UST: variants seen among roughly 807,000 people sequenced by gnomAD.
The protein encoded by UST is uronyl 2-sulfotransferase, also known as chondroitin sulfate 2-O-sulfotransferase.
A neutral mutation model predicts 45.6 loss-of-function variants in UST; 21 were observed. That is an observed-to-expected ratio of 0.46 (90% CI 0.33 to 0.66). The LOEUF (loss-of-function observed/expected upper bound fraction) is 0.66. Ranked by LOEUF, UST falls within the 30% of genes least tolerant of loss-of-function variation. The probability of loss-of-function intolerance (pLI) is 0.02; values close to 1 mark genes in which losing one functional copy is unlikely to be tolerated. For synonymous variants in UST, 215 were observed against 200.6 expected, an observed-to-expected ratio of 1.07 and a Z score of -0.61; for missense variants, 463 against 512.4, an observed-to-expected ratio of 0.90 and a Z score of 0.93.
intron 2 of UST, 50 bp downstream of exon 2, chr6:148,887,079 A>G (rs1374118133): frequency 2.1e-6 from 3 of 1,401,876 alleles, no homozygotes; most frequent in Non-Finnish European, 3.0e-6. Flanking sequence ...TATCTTACTT[A>G]CAGCCTCCAA....
At position 148,763,778 on chromosome 6, in the gene UST, C is replaced by A. The variant is rs142538400; in HGVS notation, c.247+16101C>A. Among the ~76,000 whole-genome samples, 187 of 152,168 alleles carry A rather than the reference C, an allele frequency of 1.2e-3. 1 individual carries two copies. Among genetic ancestry groups the A allele is most frequent in the African/African-American group, 4.4e-3 (181 of 41,534 alleles). ...ATCCTTTCCCCATCGTATATTTTTGCCAACTTTGTTTATGATCAGTTGGTT... is the reference window on the plus strand; with the variant it reads ...ATCCTTTCCCCATCGTATATTTTTGACAACTTTGTTTATGATCAGTTGGTT... On this transcript the variant is annotated intron_variant, in intron 1 of 7. Coordinates refer to ENST00000367463, the MANE Select transcript of UST (RefSeq NM_005715.3).
chr6:148,803,226 C>A (rs1289823318), intron 1 of UST, among the ~76,000 whole-genome samples: 1 of 152,094 alleles, frequency 6.6e-6, no homozygotes, highest in African/African-American at 2.4e-5. Flanking sequence ...ATTCTCCTTC[C>A]CCTCTCTCTC....
intron 1 of UST, among the ~76,000 whole-genome samples, chr6:148,855,020 G>A (rs1386567763): frequency 6.6e-6 from 1 of 152,116 alleles, no homozygotes; most frequent in Non-Finnish European, 1.5e-5. Flanking sequence ...ATCAAGTCAC[G>A]TCTTAAGTGG....
chr6:148,894,832 T>TTC, intron 2 of UST, among the ~76,000 whole-genome samples: 1 of 148,146 alleles, frequency 6.8e-6, no homozygotes, highest in East Asian at 2.0e-4. Flanking sequence ...TTTTTTTTTT[T>TTC]TTTTGAGATG....
At chr6:148,961,459 G>A (rs1434948525) in intron 4 of UST, among the ~76,000 whole-genome samples, 1 of 152,002 alleles carries the variant, frequency 6.6e-6, no homozygotes, top group African/African-American at 2.4e-5. Flanking sequence ...ATAAAATGAA[G>A]GGAAATAAGT....
intron 5 of UST, among the ~76,000 whole-genome samples, chr6:148,972,379 C>T (rs1302064216): frequency 6.6e-6 from 1 of 152,190 alleles, no homozygotes; most frequent in African/African-American, 2.4e-5. Flanking sequence ...AGTGAAGTGA[C>T]ACTTTAGAAA....
intron 4 of UST, among the ~76,000 whole-genome samples, chr6:148,957,592 C>T (rs1263908815): frequency 6.6e-6 from 1 of 152,160 alleles, no homozygotes; most frequent in African/African-American, 2.4e-5. Flanking sequence ...CACCACCACA[C>T]CTGGCTAATT....
intron 1 of UST, among the ~76,000 whole-genome samples, chr6:148,816,757 C>T (rs986925749): frequency 1.3e-5 from 2 of 151,986 alleles, no homozygotes; most frequent in African/African-American, 4.8e-5. Flanking sequence ...GGATATGGAA[C>T]ATTTATTTCC....
chr6:149,047,939 C>A (rs114027829), intron 7 of UST, among the ~76,000 whole-genome samples: 5,058 of 152,072 alleles, frequency 0.033, 291 homozygotes, highest in African/African-American at 0.11. Context: ...AAAGCACAAG[C>A]TCAGATAGAC....
chr6:149,019,263 T>C, intron 6 of UST, 27 bp downstream of exon 6: 1 of 1,571,052 alleles, frequency 6.4e-7, no homozygotes. Context: ...GGTCATGGCA[T>C]GCACGTACGC....
At chr6:149,065,127 G>A (rs940507976) in intron 7 of UST, among the ~76,000 whole-genome samples, 1 of 152,188 alleles carries the variant, frequency 6.6e-6, no homozygotes, top group Non-Finnish European at 1.5e-5. Context: ...TAATCCGACA[G>A]TATGTGCTCA....
chr6:148,790,894 G>A lies in UST; in HGVS notation c.247+43217G>A, dbSNP rs1029464572. Among the ~76,000 whole-genome samples, 10 of 152,260 alleles carry A rather than the reference G, an allele frequency of 6.6e-5. No individual in the cohort carries two copies. Among genetic ancestry groups the A allele is most frequent in the East Asian group, 1.9e-4 (1 of 5,176 alleles). On this transcript the variant is annotated intron_variant, in intron 1 of 7. Transcript: ENST00000367463. This position sits in a 1 kb window ranked among gnomAD's most constrained non-coding sequence, Gnocchi z 4.2. ...GCCTTCTCTCTCTGCCCGTTCCTGC[G>A]TCTCCACTCCTTTGTAGGTTGTATC... is the stretch of plus-strand genomic sequence containing the variant.
chr6:149,050,818 G>A (rs1021059778), intron 7 of UST, among the ~76,000 whole-genome samples: 5 of 152,206 alleles, frequency 3.3e-5, no homozygotes, highest in African/African-American at 9.7e-5. Flanking sequence ...TTAGAATACT[G>A]GATGTGGAGG....
intron 2 of UST, among the ~76,000 whole-genome samples, chr6:148,940,417 C>T (rs1157106613): frequency 6.6e-6 from 1 of 152,048 alleles, no homozygotes; most frequent in African/African-American, 2.4e-5. Flanking sequence ...TCGCATGAGC[C>T]CGGGAGACGG....
At position 149,075,399 on chromosome 6, in the gene UST, G is replaced by A. The variant is rs975230224; in HGVS notation, c.*1283G>A. The A allele has an allele frequency of 2.0e-5, 3 of 152,128 alleles. No individual in the cohort carries two copies. The highest frequency in any genetic ancestry group is 2.9e-5 in the Non-Finnish European group (2 of 68,034). 9.4% of individuals were successfully genotyped at this position (152,128 alleles called of 1,614,324 possible). On this transcript the variant is annotated 3_prime_UTR_variant, in exon 8 of 8. Coordinates refer to ENST00000367463, the MANE Select transcript of UST (RefSeq NM_005715.3). Reference sequence around the variant, plus strand: ...GCAGGTAGAGTCCCATTTCTTATGGGACCTGTGTGCTCCTGAGAACTCTTA... The same window carrying A: ...GCAGGTAGAGTCCCATTTCTTATGGAACCTGTGTGCTCCTGAGAACTCTTA...
At chr6:148,993,936 C>G (rs1455534964) in intron 5 of UST, among the ~76,000 whole-genome samples, 3 of 147,084 alleles carry the variant, frequency 2.0e-5, no homozygotes, top group African/African-American at 7.7e-5. Flanking sequence ...ATAAATTACC[C>G]AGTCTTGAAT....
At chr6:148,822,513 A>G (rs1419837271) in intron 1 of UST, among the ~76,000 whole-genome samples, 1 of 152,202 alleles carries the variant, frequency 6.6e-6, no homozygotes, top group African/African-American at 2.4e-5. Flanking sequence ...AGAGAAAGAG[A>G]CTGAATGTAT....
chr6:148,798,285 A>G (rs1776989698), intron 1 of UST, among the ~76,000 whole-genome samples: 1 of 152,150 alleles, frequency 6.6e-6, no homozygotes, highest in African/African-American at 2.4e-5. Context: ...AGGAGTGGGT[A>G]CTTTTAGAAA....
chr6:148,857,490 A>G (rs1778226643), intron 1 of UST, among the ~76,000 whole-genome samples: 1 of 152,188 alleles, frequency 6.6e-6, no homozygotes, highest in Non-Finnish European at 1.5e-5. Context: ...TAACTTACCA[A>G]GGGCAGAACT....
Sources: allele counts gnomAD v4.1 joint callset (sites outside exome capture counted in the v4.1 genomes callset), GRCh38; gene constraint gnomAD v4.1.1; non-coding constraint Gnocchi (gnomAD v3.1); transcripts MANE v1.5; gene names NCBI Gene and HGNC (gene_info 2026-07-23, HGNC 2026-07-21).